The following DLGAP2 variants were observed in gnomAD, a reference collection of about 807,000 sequenced individuals.
DLGAP2 encodes disks large-associated protein 2.
In DLGAP2, 26 loss-of-function variants were observed where a neutral mutation model predicts 100.3. That is an observed-to-expected ratio of 0.26 (90% CI 0.19 to 0.36). The LOEUF is 0.36. Ranked by LOEUF, DLGAP2 falls within the 10% of genes least tolerant of loss-of-function variation. The probability of loss-of-function intolerance (pLI) is 1.00; values close to 1 mark genes in which losing one functional copy is unlikely to be tolerated. For synonymous variants in DLGAP2, 886 were observed against 630.1 expected, an observed-to-expected ratio of 1.41 and a Z score of -6.08; for missense variants, 1,858 against 1,453.2, an observed-to-expected ratio of 1.28 and a Z score of -4.53.
At chr8:1,165,259 GA>G (rs1483634249) in intron 2 of DLGAP2, among the ~76,000 whole-genome samples, 2 of 151,798 alleles carry the variant, frequency 1.3e-5, no homozygotes, top group Admixed American at 6.6e-5. Context: ...AAGACAGATG[GA>G]GAAGAAGGGA....
chr8:1,255,662 G>T (rs536850798), intron 2 of DLGAP2, among the ~76,000 whole-genome samples: 1 of 139,404 alleles, frequency 7.2e-6, no homozygotes, highest in East Asian at 2.3e-4. Context: ...CGCTGTGTGT[G>T]TGTCGTCTCC....
At chr8:921,696 A>G (rs921239365) in intron 2 of DLGAP2, among the ~76,000 whole-genome samples, 1 of 152,218 alleles carries the variant, frequency 6.6e-6, no homozygotes. Context: ...CCACCCAGCC[A>G]TCCTCCACCC....
chr8:1,358,650 G>T (rs375799197), intron 3 of DLGAP2, among the ~76,000 whole-genome samples: 1 of 152,172 alleles, frequency 6.6e-6, no homozygotes, highest in Admixed American at 6.5e-5. Flanking sequence ...AGGGTTGGCC[G>T]TGGTGAAGAA....
intron 8 of DLGAP2, among the ~76,000 whole-genome samples, chr8:1,662,948 G>T (rs959128924): frequency 1.3e-5 from 2 of 148,560 alleles, no homozygotes; most frequent in East Asian, 4.0e-4. Context: ...GTGTGTGTGT[G>T]TACACATGTG....
intron 1 of DLGAP2, among the ~76,000 whole-genome samples, chr8:798,495 C>T (rs1347175901): frequency 2.8e-5 from 4 of 145,202 alleles, no homozygotes; most frequent in Admixed American, 1.4e-4. Context: ...TCCGTTGGCA[C>T]TGAAAGCAAA....
At chr8:1,040,998 C>G (rs1802330949) in intron 2 of DLGAP2, among the ~76,000 whole-genome samples, 1 of 152,128 alleles carries the variant, frequency 6.6e-6, no homozygotes, top group Admixed American at 6.5e-5. Context: ...ATAGGACATA[C>G]CAAAACCTCT....
At chr8:1,118,080 C>T (rs182247744) in intron 2 of DLGAP2, among the ~76,000 whole-genome samples, 79 of 152,252 alleles carry the variant, frequency 5.2e-4, no homozygotes, top group Non-Finnish European at 9.8e-4. Flanking sequence ...AATGCTGTAC[C>T]TCAGCTCCCA....
chr8:1,539,976 C>A (rs936546034), intron 4 of DLGAP2, among the ~76,000 whole-genome samples: 1 of 152,206 alleles, frequency 6.6e-6, no homozygotes, highest in African/African-American at 2.4e-5. Flanking sequence ...CCTCCAGACT[C>A]AGAAGCCCAG....
At chr8:1,042,024 C>T (rs902611278) in intron 2 of DLGAP2, among the ~76,000 whole-genome samples, 2 of 152,198 alleles carry the variant, frequency 1.3e-5, no homozygotes, top group African/African-American at 4.8e-5. Flanking sequence ...CTAGATGGAG[C>T]CGTCGACCTG....
At chr8:861,912 A>G (rs544660199) in intron 1 of DLGAP2, among the ~76,000 whole-genome samples, 25 of 152,354 alleles carry the variant, frequency 1.6e-4, no homozygotes, top group African/African-American at 5.3e-4. Flanking sequence ...GGCTCAGTAT[A>G]AGTAAATGCA....
intron 3 of DLGAP2, among the ~76,000 whole-genome samples, chr8:1,322,663 C>A (rs1181817427): frequency 6.6e-6 from 1 of 152,238 alleles, no homozygotes; most frequent in East Asian, 1.9e-4. Flanking sequence ...ATGCATGCAC[C>A]CACCCATCGT....
At chr8:1,577,653 A>G (rs1313508784) in intron 6 of DLGAP2, among the ~76,000 whole-genome samples, 1 of 151,940 alleles carries the variant, frequency 6.6e-6, no homozygotes, top group Non-Finnish European at 1.5e-5. Context: ...ATGGAAGAGG[A>G]AAGGCATCCC....
chr8:1,298,740 G>A (rs1287682809), intron 3 of DLGAP2, among the ~76,000 whole-genome samples: 1 of 152,212 alleles, frequency 6.6e-6, no homozygotes, highest in Non-Finnish European at 1.5e-5. Context: ...AAAAGGGCAA[G>A]ACAATCCCTT....
intron 6 of DLGAP2, among the ~76,000 whole-genome samples, chr8:1,583,747 G>A (rs1042396284): frequency 6.6e-6 from 1 of 152,050 alleles, no homozygotes; most frequent in Non-Finnish European, 1.5e-5. Flanking sequence ...TCCAAGTCCT[G>A]CCTCTCACAT....
intron 1 of DLGAP2, among the ~76,000 whole-genome samples, chr8:778,878 G>A (rs1821604428): frequency 6.6e-6 from 1 of 152,232 alleles, no homozygotes. Context: ...CCCAGTTCGA[G>A]CTTCCCGGCT....
chr8:849,182 C>A lies in DLGAP2; in HGVS notation c.19-58730C>A, dbSNP rs574139018. ...GGAACATGCCAGGGTTTGTTCCAGT[C>A]TAGGATCTTGTGGTGCATGTTCCAG... On this transcript the variant is annotated intron_variant, in intron 1 of 14. Coordinates refer to ENST00000637795, the MANE Select transcript of DLGAP2 (RefSeq NM_001346810.2). 4.0e-5 allele frequency among the ~76,000 whole-genome samples: 6 copies of A among 150,850 alleles called. No individual in the cohort carries two copies. In the East Asian group the frequency reaches 9.9e-4, roughly 25 times the overall value.
chr8:1,203,161 A>T (rs970005939), intron 2 of DLGAP2, among the ~76,000 whole-genome samples: 1 of 152,072 alleles, frequency 6.6e-6, no homozygotes, highest in East Asian at 1.9e-4. Context: ...GAGGTCTGTT[A>T]TTCCTATTAA....
intron 3 of DLGAP2, among the ~76,000 whole-genome samples, chr8:1,276,480 G>C (rs1185777583): frequency 6.6e-6 from 1 of 152,148 alleles, no homozygotes; most frequent in Non-Finnish European, 1.5e-5. Context: ...GGGCTGCTGA[G>C]GCGGCATCTT....
chr8:1,360,399 G>T lies in DLGAP2; in HGVS notation c.106+101516G>T, dbSNP rs949362238. Among the ~76,000 whole-genome samples the T allele has an allele frequency of 3.9e-5, 6 of 152,148 alleles. No homozygotes were observed. In the South Asian group the frequency reaches 1.0e-3, roughly 26 times the overall value. ...CTTTGCGCTGCGTCTGTCTGAGCCTGTGTTGGAGTAGAGTGCATGGGTGTC... is the reference window on the plus strand; with the variant it reads ...CTTTGCGCTGCGTCTGTCTGAGCCTTTGTTGGAGTAGAGTGCATGGGTGTC... On this transcript the variant is annotated intron_variant, in intron 3 of 14. Coordinates refer to ENST00000637795, the MANE Select transcript of DLGAP2 (RefSeq NM_001346810.2).
Sources: allele counts gnomAD v4.1 joint callset (sites outside exome capture counted in the v4.1 genomes callset), GRCh38; gene constraint gnomAD v4.1.1; transcripts MANE v1.5; gene names NCBI Gene and HGNC (gene_info 2026-07-23, HGNC 2026-07-21).